Variants in FOXJ3 observed in about 807,000 individuals in gnomAD.
FOXJ3 encodes the protein forkhead box protein J3.
FOXJ3 carries 22 observed loss-of-function variants against 76.1 expected under a neutral mutation model. The ratio of observed to expected loss-of-function variants is 0.29; its 90% CI spans 0.21 to 0.41. FOXJ3 has a LOEUF of 0.41. FOXJ3 is among the 10% of genes least tolerant of loss of function. The probability of loss-of-function intolerance (pLI) is 1.00; values close to 1 mark genes in which losing one functional copy is unlikely to be tolerated. For missense variants in FOXJ3, 613 were observed against 762.1 expected (o/e 0.80, Z 2.30); for synonymous variants, 269 against 261.2 (o/e 1.03, Z -0.29).
chr1:42,191,192 G>T, intron 9 of FOXJ3, 111 bp downstream of exon 9: 1 of 981,458 alleles, frequency 1.0e-6, no homozygotes, highest in East Asian at 2.4e-5. Flanking sequence ...ATTATAGCAA[G>T]GAAACAGATG....
chr1:42,186,823 T>A (rs777796090), intron 11 of FOXJ3, among the ~76,000 whole-genome samples: 3 of 152,164 alleles, frequency 2.0e-5, no homozygotes, highest in Non-Finnish European at 4.4e-5. Flanking sequence ...CTGCCTAACA[T>A]GTACACTGGC....
At chr1:42,274,168 C>T (rs1156610267) in intron 3 of FOXJ3, among the ~76,000 whole-genome samples, 2 of 152,090 alleles carry the variant, frequency 1.3e-5, no homozygotes, top group Non-Finnish European at 2.9e-5. Flanking sequence ...TTTTCTCAGG[C>T]TAAATATTGA....
chr1:42,258,272 C>G (rs187482017), intron 4 of FOXJ3, among the ~76,000 whole-genome samples: 2 of 152,316 alleles, frequency 1.3e-5, no homozygotes, highest in East Asian at 3.9e-4. Flanking sequence ...GATTTGTTTG[C>G]CTTGTTTTCT....
At chr1:42,192,421 G>C (rs1047898636) in intron 8 of FOXJ3, among the ~76,000 whole-genome samples, 1 of 152,074 alleles carries the variant, frequency 6.6e-6, no homozygotes, top group Non-Finnish European at 1.5e-5. Flanking sequence ...AAAGTTATTA[G>C]CATAAAGTAA....
At chr1:42,234,662 C>T (rs1648443270) in intron 4 of FOXJ3, among the ~76,000 whole-genome samples, 1 of 152,132 alleles carries the variant, frequency 6.6e-6, no homozygotes, top group Non-Finnish European at 1.5e-5. Flanking sequence ...TGCTGGAGGT[C>T]CACTCCAGAC....
At chr1:42,200,908 A>G (rs572267463) in intron 6 of FOXJ3, among the ~76,000 whole-genome samples, 7 of 152,282 alleles carry the variant, frequency 4.6e-5, no homozygotes, top group Admixed American at 1.3e-4. Flanking sequence ...TTAAATTTGT[A>G]TATCAACTTT....
At chr1:42,334,738 G>GC (rs982935408) in intron 1 of FOXJ3, among the ~76,000 whole-genome samples, 73 of 151,936 alleles carry the variant, frequency 4.8e-4, no homozygotes, top group Admixed American at 4.8e-3. Flanking sequence ...CGGACTAGGC[G>GC]CCCCCGGGAT....
At chr1:42,229,786 GA>G (rs1469857387) in intron 4 of FOXJ3, among the ~76,000 whole-genome samples, 1 of 152,116 alleles carries the variant, frequency 6.6e-6, no homozygotes, top group Non-Finnish European at 1.5e-5. Context: ...ATGCAAGGGG[GA>G]AAAATTTTAT....
intron 4 of FOXJ3, among the ~76,000 whole-genome samples, chr1:42,263,902 A>G (rs929838676): frequency 6.7e-6 from 1 of 148,592 alleles, no homozygotes; most frequent in Non-Finnish European, 1.5e-5. Flanking sequence ...AAAGAGCTTG[A>G]AAAAAAGAGA....
intron 3 of FOXJ3, among the ~76,000 whole-genome samples, chr1:42,274,531 C>G (rs1345235338): frequency 6.6e-6 from 1 of 152,172 alleles, no homozygotes; most frequent in African/African-American, 2.4e-5. Flanking sequence ...CTATCATTCT[C>G]TAGCTGAGAA....
intron 2 of FOXJ3, among the ~76,000 whole-genome samples, chr1:42,296,496 G>A (rs1202932222): frequency 5.9e-5 from 9 of 152,158 alleles, no homozygotes; most frequent in East Asian, 5.8e-4. Flanking sequence ...AGACACAAGG[G>A]TCCAGTTTCC....
intron 4 of FOXJ3, among the ~76,000 whole-genome samples, chr1:42,230,161 A>C (rs1647956591): frequency 6.6e-6 from 1 of 152,222 alleles, no homozygotes; most frequent in African/African-American, 2.4e-5. Context: ...CTAATAATTA[A>C]AAAGATTCAC....
intron 2 of FOXJ3, among the ~76,000 whole-genome samples, chr1:42,304,904 A>G (rs1654364745): frequency 6.6e-6 from 1 of 152,226 alleles, no homozygotes; most frequent in African/African-American, 2.4e-5. Context: ...GATCACATCA[A>G]GTTAAAAAGC....
chr1:42,197,680 A>G (rs534511647), intron 7 of FOXJ3, among the ~76,000 whole-genome samples: 27 of 151,926 alleles, frequency 1.8e-4, no homozygotes, highest in Admixed American at 2.6e-4. Context: ...TTAAAAAAAA[A>G]AAAGAAAGAA....
At chr1:42,213,905 G>C (rs1156642242) in intron 5 of FOXJ3, among the ~76,000 whole-genome samples, 1 of 152,104 alleles carries the variant, frequency 6.6e-6, no homozygotes, top group East Asian at 1.9e-4. Context: ...TTTCAAAATA[G>C]CTGAGAGGAT....
chr1:42,235,658 G>T (rs1403063104), intron 4 of FOXJ3, among the ~76,000 whole-genome samples: 1 of 151,996 alleles, frequency 6.6e-6, no homozygotes, highest in Non-Finnish European at 1.5e-5. Flanking sequence ...TGCCTCCTGG[G>T]GTCAAGCAAG....
At chr1:42,327,695 A>G (rs1211698599) in intron 1 of FOXJ3, among the ~76,000 whole-genome samples, 2 of 150,216 alleles carry the variant, frequency 1.3e-5, no homozygotes, top group African/African-American at 2.5e-5. Context: ...CCCAATCTTA[A>G]AAAAAAAAGA....
chr1:42,275,687 T>C (rs1192414679), intron 3 of FOXJ3, among the ~76,000 whole-genome samples: 1 of 151,908 alleles, frequency 6.6e-6, no homozygotes, highest in Non-Finnish European at 1.5e-5. Context: ...AAACTTAAAA[T>C]AAAAATTTAA....
At chr1:42,228,401 T>C (rs940655070) in intron 4 of FOXJ3, among the ~76,000 whole-genome samples, 2 of 152,074 alleles carry the variant, frequency 1.3e-5, no homozygotes, top group African/African-American at 2.4e-5. Context: ...TTTTATATAG[T>C]AAGTGTTCCT....
Sources: gnomAD v4.1 joint callset for allele counts (sites outside exome capture counted in the v4.1 genomes callset) on GRCh38, gnomAD v4.1.1 for gene constraint, MANE v1.5 for transcripts, NCBI Gene and HGNC (gene_info 2026-07-23, HGNC 2026-07-21) for gene names.